Variants in PCDHA3 observed in about 807,000 individuals in gnomAD.
PCDHA3 encodes protocadherin alpha 3, also known as protocadherin alpha-3.
Under a neutral mutation model 62.2 loss-of-function variants are expected in PCDHA3, and 41 were observed. That is an observed-to-expected ratio of 0.66 (90% CI 0.51 to 0.86). PCDHA3 has a LOEUF of 0.86. Among genes scored for constraint, PCDHA3 ranks in the 40% least tolerant of loss-of-function variants. The pLI is 0.00. For missense variants in PCDHA3, 1,304 were observed against 1,241.2 expected (o/e 1.05, Z -0.76); for synonymous variants, 640 against 555.4 (o/e 1.15, Z -2.14).
intron 1 of PCDHA3, among the ~76,000 whole-genome samples, chr5:140,832,809 G>A (rs1166207939): frequency 6.6e-6 from 1 of 152,088 alleles, no homozygotes; most frequent in African/African-American, 2.4e-5. Flanking sequence ...ATTGGAATTG[G>A]AAAAAAATCT....
chr5:140,984,392 G>C (rs914978799), intron 3 of PCDHA3, among the ~76,000 whole-genome samples: 1 of 152,156 alleles, frequency 6.6e-6, no homozygotes, highest in South Asian at 2.1e-4. Context: ...TTCAAAAAAT[G>C]TTGAGAACCT....
At chr5:140,821,554 A>G in intron 1 of PCDHA3, 1 of 509,150 alleles carries the variant, frequency 2.0e-6, no homozygotes, top group Non-Finnish European at 3.4e-6. Context: ...CATCCACATG[A>G]TGTCGCTGGA....
chr5:140,869,488 A>C, intron 1 of PCDHA3: 1 of 1,614,132 alleles, frequency 6.2e-7, no homozygotes. Context: ...CATTAACGAC[A>C]ACCCGCCGGT....
Position 140,882,272 on chromosome 5 carries a change from C to G in PCDHA3, c.2394+78681C>G, listed in dbSNP as rs782377951. On this transcript the variant is annotated intron_variant, in intron 1 of 3. Transcript: ENST00000522353. ...TCTGAGGTTTTTGGAGTGTACCATG[C>G]TGTCTTCCTGGCAAGGAGGCCCAAG... The G allele has an allele frequency of 5.0e-6, 8 of 1,611,430 alleles. No individual in the cohort carries two copies. The highest frequency in any genetic ancestry group is 6.8e-6 in the Non-Finnish European group (8 of 1,178,456).
intron 3 of PCDHA3, among the ~76,000 whole-genome samples, chr5:140,999,514 A>G (rs782202425): frequency 1.4e-4 from 22 of 152,210 alleles, no homozygotes; most frequent in Non-Finnish European, 1.0e-4. Context: ...CATTTTAAGC[A>G]TTTTGTTACC....
intron 1 of PCDHA3, chr5:140,827,972 T>C: frequency 7.9e-6 from 11 of 1,394,734 alleles, no homozygotes; most frequent in Non-Finnish European, 9.7e-6. Flanking sequence ...TACTGCATCA[T>C]TCCCTGACTG....
intron 1 of PCDHA3, chr5:140,968,472 T>C (rs1554230782): frequency 6.2e-7 from 1 of 1,614,130 alleles, no homozygotes; most frequent in Non-Finnish European, 8.5e-7. Context: ...AACGTATATG[T>C]GGTGGACATG....
chr5:140,906,615 T>C (rs2072789527), intron 1 of PCDHA3, among the ~76,000 whole-genome samples: 1 of 152,226 alleles, frequency 6.6e-6, no homozygotes, highest in Admixed American at 6.5e-5. Context: ...TGTATTCCCT[T>C]TGCCTTCAGC....
rs1310560301 is a variant in PCDHA3, at chr5:140,838,419, C to T, written c.2394+34828C>T. On this transcript the variant is annotated intron_variant, in intron 1 of 3. Transcript: ENST00000522353. ...GATTACAGGAGTGAGCCACCGCATC[C>T]GGCCTAAATTATATATTGGGTTTTG... is the stretch of plus-strand genomic sequence containing the variant. Among the ~76,000 whole-genome samples, 7 of 151,450 alleles carry T rather than the reference C, an allele frequency of 4.6e-5. 1 individual carries two copies. The highest frequency in any genetic ancestry group is 2.1e-4 in the South Asian group (1 of 4,794).
At chr5:140,829,722 C>A (rs2150173408) in intron 1 of PCDHA3, 4 of 1,613,622 alleles carry the variant, frequency 2.5e-6, no homozygotes, top group Non-Finnish European at 2.5e-6. Flanking sequence ...GGCGTGCCGC[C>A]TCTGGGCAGC....
At chr5:140,821,913 C>T (rs1767111561) in intron 1 of PCDHA3, 1 of 1,614,128 alleles carries the variant, frequency 6.2e-7, no homozygotes, top group African/African-American at 1.3e-5. Context: ...TCGTTGGCCG[C>T]ATCGCGCAGG....
rs1437399739 is a variant in PCDHA3, at chr5:140,853,000, TC to T, written c.2394+49412del. 9.7e-6 allele frequency: 3 copies of T among 308,008 alleles called. No homozygotes were observed. The East Asian group carries it at 5.1e-4, about 53-fold the overall frequency. 19.1% of individuals were successfully genotyped at this position (308,008 alleles called of 1,614,324 possible). ...TTCACGCCATTCTCCTGCCTCAGCC[TC>T]CCGAGTAGCTGGGACTACAGGCGCC... On this transcript the variant is annotated intron_variant, in intron 1 of 3. Transcript: ENST00000522353.
chr5:140,809,499 C>A, intron 1 of PCDHA3: 1 of 1,614,218 alleles, frequency 6.2e-7, no homozygotes, highest in Non-Finnish European at 8.5e-7. Context: ...GACCTCATGG[C>A]CTTCAGCCCC....
chr5:140,927,901 G>A lies in PCDHA3; in HGVS notation c.2395-51048G>A, dbSNP rs370478984. On this transcript the variant is annotated intron_variant, in intron 1 of 3. Transcript: ENST00000522353. ...GGAGGTGACTGACGTGAACGATCAT[G>A]CCCCCGAACTGGACTTCCTGACTCT... The A allele has an allele frequency of 6.2e-6, 10 of 1,614,084 alleles. No individual in the cohort carries two copies. Among genetic ancestry groups the A allele is most frequent in the Non-Finnish European group, 8.5e-6 (10 of 1,180,046 alleles).
At chr5:140,880,496 A>G (rs965874952) in intron 1 of PCDHA3, among the ~76,000 whole-genome samples, 4 of 152,206 alleles carry the variant, frequency 2.6e-5, no homozygotes, top group African/African-American at 4.8e-5. Flanking sequence ...AGAGCAATTG[A>G]ATTTCTGTTT....
intron 1 of PCDHA3, chr5:140,966,989 G>A: frequency 5.0e-6 from 8 of 1,604,148 alleles, no homozygotes; most frequent in Non-Finnish European, 6.8e-6. Context: ...CTTGGGGCCG[G>A]GTTGCTTGCG....
intron 1 of PCDHA3, among the ~76,000 whole-genome samples, chr5:140,826,104 A>G (rs1481696647): frequency 2.0e-5 from 3 of 152,168 alleles, no homozygotes; most frequent in African/African-American, 7.2e-5. Context: ...CTATCATGCT[A>G]TTTATATATT....
chr5:140,852,444 A>G (rs1327164540), intron 1 of PCDHA3: 1 of 183,986 alleles, frequency 5.4e-6, no homozygotes, highest in Non-Finnish European at 1.1e-5. Context: ...CGCCCAGCTA[A>G]TTTTTGTATT....
intron 1 of PCDHA3, chr5:140,809,578 T>C (rs1295072007): frequency 6.4e-7 from 1 of 1,570,600 alleles, no homozygotes. Flanking sequence ...CAAAGGTTAG[T>C]GTATAACATC....
Sources: gnomAD v4.1 joint callset for allele counts (sites outside exome capture counted in the v4.1 genomes callset) on GRCh38, gnomAD v4.1.1 for gene constraint, MANE v1.5 for transcripts, NCBI Gene and HGNC (gene_info 2026-07-23, HGNC 2026-07-21) for gene names.